TACR3: variants seen among roughly 807,000 people sequenced by gnomAD.
The protein encoded by TACR3 is neuromedin-K receptor.
A neutral mutation model predicts 35.0 loss-of-function variants in TACR3; 34 were observed. That is an observed-to-expected ratio of 0.97 (90% CI 0.74 to 1.30). The LOEUF (loss-of-function observed/expected upper bound fraction) is 1.30. Among genes scored for constraint, TACR3 ranks in the 50% most tolerant of loss-of-function variants. The pLI, the probability that TACR3 is intolerant of heterozygous loss-of-function variation, is 0.00. For missense variants in TACR3, 558 were observed against 591.7 expected, an observed-to-expected ratio of 0.94 and a Z score of 0.59; for synonymous variants, 233 against 221.1, an observed-to-expected ratio of 1.05 and a Z score of -0.48.
intron 1 of TACR3, among the ~76,000 whole-genome samples, chr4:103,665,099 C>A (rs1296624643): frequency 6.6e-6 from 1 of 151,900 alleles, no homozygotes; most frequent in African/African-American, 2.4e-5. Flanking sequence ...AGGCATGAAC[C>A]ACCAAACCCG....
At chr4:103,688,478 A>T (rs2110214956) in intron 1 of TACR3, among the ~76,000 whole-genome samples, 1 of 151,280 alleles carries the variant, frequency 6.6e-6, no homozygotes, top group East Asian at 1.9e-4. Flanking sequence ...AAAATGGGAG[A>T]AAATTTTCGC....
At chr4:103,654,302 G>A (rs1260417434) in intron 3 of TACR3, among the ~76,000 whole-genome samples, 1 of 151,470 alleles carries the variant, frequency 6.6e-6, no homozygotes, top group African/African-American at 2.4e-5. Context: ...CAACCCAAAT[G>A]TCCAACAACG....
intron 1 of TACR3, among the ~76,000 whole-genome samples, chr4:103,711,051 T>A (rs566536686): frequency 3.3e-5 from 5 of 152,268 alleles, no homozygotes; most frequent in African/African-American, 1.2e-4. Flanking sequence ...ACAGCCAAAT[T>A]CTACCAGAGG....
intron 3 of TACR3, among the ~76,000 whole-genome samples, chr4:103,601,094 G>A (rs1413353970): frequency 6.6e-6 from 1 of 152,154 alleles, no homozygotes; most frequent in Non-Finnish European, 1.5e-5. Context: ...TGGAGTCTAA[G>A]TCTCTTTGTT....
intron 1 of TACR3, among the ~76,000 whole-genome samples, chr4:103,673,690 A>G (rs1392322115): frequency 1.3e-5 from 2 of 152,152 alleles, no homozygotes; most frequent in East Asian, 1.9e-4. Context: ...AAATGGCACC[A>G]ATAGTTTTGC....
chr4:103,690,011 G>A (rs1489329066), intron 1 of TACR3, among the ~76,000 whole-genome samples: 1 of 152,032 alleles, frequency 6.6e-6, no homozygotes, highest in Non-Finnish European at 1.5e-5. Flanking sequence ...ATTAACAGAT[G>A]GCTTTTCATT....
At position 103,618,564 on chromosome 4, in the gene TACR3, C is replaced by CTTT. The variant is rs57837921; in HGVS notation, c.889-26884_889-26882dup. ...CTTAGGATTGCTTTGGTGACTTGGG[C>CTTT]TTTTTTTTTTTTTTTTTTTTTTTTT... On this transcript the variant is annotated intron_variant, in intron 3 of 4. Coordinates refer to ENST00000304883, the MANE Select transcript of TACR3 (RefSeq NM_001059.3). 7.0e-4 allele frequency among the ~76,000 whole-genome samples: 43 copies of CTTT among 61,452 alleles called. 5 individuals carry two copies. The highest frequency in any genetic ancestry group is 2.8e-3 in the African/African-American group (31 of 11,020). 40.3% of individuals were successfully genotyped at this position (61,452 alleles called of 152,430 possible).
chr4:103,623,120 C>G (rs910474456), intron 3 of TACR3, among the ~76,000 whole-genome samples: 136 of 151,994 alleles, frequency 8.9e-4, no homozygotes, highest in African/African-American at 3.2e-3. Flanking sequence ...CTCCTCTTCA[C>G]AGGAGGATTT....
At chr4:103,633,044 T>G in intron 3 of TACR3, among the ~76,000 whole-genome samples, 1 of 112,868 alleles carries the variant, frequency 8.9e-6, no homozygotes, top group East Asian at 2.2e-4. Context: ...ATTATTTTCC[T>G]GACATCTTTT....
intron 3 of TACR3, among the ~76,000 whole-genome samples, chr4:103,609,161 G>A (rs957389826): frequency 6.6e-6 from 1 of 152,102 alleles, no homozygotes; most frequent in Non-Finnish European, 1.5e-5. Context: ...GCTTCATTAT[G>A]CTGTGGAATT....
At chr4:103,623,413 G>A (rs1338915099) in intron 3 of TACR3, among the ~76,000 whole-genome samples, 1 of 151,834 alleles carries the variant, frequency 6.6e-6, no homozygotes, top group Non-Finnish European at 1.5e-5. Flanking sequence ...TTCATATGCT[G>A]GAAAATAGTT....
chr4:103,646,088 A>G (rs1725449774), intron 3 of TACR3, among the ~76,000 whole-genome samples: 1 of 152,016 alleles, frequency 6.6e-6, no homozygotes, highest in Non-Finnish European at 1.5e-5. Context: ...CCAAGAATTG[A>G]TATTTTTGTT....
At chr4:103,704,493 T>G (rs1722742196) in intron 1 of TACR3, among the ~76,000 whole-genome samples, 2 of 152,128 alleles carry the variant, frequency 1.3e-5, no homozygotes, top group Non-Finnish European at 1.5e-5. Context: ...TCAGGAAACT[T>G]ACAGTCATGG....
chr4:103,643,547 T>C (rs570390399), intron 3 of TACR3, among the ~76,000 whole-genome samples: 1 of 151,886 alleles, frequency 6.6e-6, no homozygotes, highest in East Asian at 1.9e-4. Flanking sequence ...TGAACTCTAC[T>C]TGCACTACCT....
intron 1 of TACR3, among the ~76,000 whole-genome samples, chr4:103,706,609 C>T (rs73838910): frequency 0.041 from 6,155 of 151,868 alleles, 407 homozygotes; most frequent in African/African-American, 0.14. Context: ...AAAGAAAGTA[C>T]ATATAATAAA....
intron 3 of TACR3, among the ~76,000 whole-genome samples, chr4:103,607,633 GTA>G (rs2110295466): frequency 6.6e-6 from 1 of 152,122 alleles, no homozygotes; most frequent in African/African-American, 2.4e-5. Flanking sequence ...TTAATCTATT[GTA>G]TACTTAGATT....
At position 103,595,966 on chromosome 4, in the gene TACR3, G is replaced by A. The variant is rs1261321595; in HGVS notation, c.889-4283C>T. Among the ~76,000 whole-genome samples, 10 of 142,068 alleles carry A rather than the reference G, an allele frequency of 7.0e-5. No individual in the cohort carries two copies. In the South Asian group the frequency reaches 2.2e-3, roughly 31 times the overall value. The allele number at this position is 142,068 out of a possible 152,430, so 93.2% of individuals were successfully genotyped here. ...CTTCCTGTGTCCATATGTTCTCATT[G>A]TTCAATACCCACCTATGAGTGAGAA... On this transcript the variant is annotated intron_variant, in intron 3 of 4. Coordinates refer to ENST00000304883, the MANE Select transcript of TACR3 (RefSeq NM_001059.3).
chr4:103,620,618 C>T (rs993286296), intron 3 of TACR3, among the ~76,000 whole-genome samples: 12 of 152,080 alleles, frequency 7.9e-5, no homozygotes, highest in East Asian at 1.9e-4. Flanking sequence ...TCCCGGAGGT[C>T]GTTATCCTAA....
Position 103,588,527 on chromosome 4 carries a change from ATAATC to A in TACR3, c.*1150_*1154del, listed in dbSNP as rs1723826172. 2.6e-5 allele frequency: 4 copies of A among 152,116 alleles called. No homozygotes were observed. Among genetic ancestry groups the A allele is most frequent in the Non-Finnish European group, 5.9e-5 (4 of 67,986 alleles). The allele number at this position is 152,116 out of a possible 1,614,324, so 9.4% of individuals were successfully genotyped here. ...CATTTCTTTCTGGTAAGACTTCTGA[ATAATC>A]TAAGCAAATGAAAGAAAAGGTCTTT... On this transcript the variant is annotated 3_prime_UTR_variant, in exon 5 of 5. Coordinates refer to ENST00000304883, the MANE Select transcript of TACR3 (RefSeq NM_001059.3).
Sources: gnomAD v4.1 joint callset for allele counts (sites outside exome capture counted in the v4.1 genomes callset) on GRCh38, gnomAD v4.1.1 for gene constraint, MANE v1.5 for transcripts, NCBI Gene and HGNC (gene_info 2026-07-23, HGNC 2026-07-21) for gene names.